DMD: variants seen among roughly 807,000 people sequenced by gnomAD.
The protein encoded by DMD is dystrophin.
A neutral mutation model predicts 330.1 loss-of-function variants in DMD; 63 were observed. The observed-to-expected ratio is 0.19, with a 90% confidence interval of 0.16 to 0.24. The LOEUF (loss-of-function observed/expected upper bound fraction) is 0.24. Ranked by LOEUF, DMD falls within the 10% of genes least tolerant of loss-of-function variation. The probability of loss-of-function intolerance (pLI) is 1.00; values close to 1 mark genes in which losing one functional copy is unlikely to be tolerated. For missense variants in DMD, 3,344 were observed against 2,684.1 expected, an observed-to-expected ratio of 1.25 and a Z score of -5.43; for synonymous variants, 1,223 against 959.8, an observed-to-expected ratio of 1.27 and a Z score of -5.07.
intron 63 of DMD, among the ~76,000 whole-genome samples, chrX:31,252,889 G>C (rs55895542): frequency 0.13 from 14,844 of 111,006 alleles, 938 homozygotes; most frequent in East Asian, 0.35. Flanking sequence ...GCGGGAGGCT[G>C]CTGAGGCAGG....
chrX:31,196,789 C>G (rs1457620381), intron 67 of DMD, among the ~76,000 whole-genome samples: 1 of 83,769 alleles, frequency 1.2e-5, no homozygotes, highest in East Asian at 4.0e-4. Context: ...CCACTGGACT[C>G]CAGCCTGGCA....
chrX:33,128,236 T>A lies in DMD; in HGVS notation c.31+83046A>T, dbSNP rs773402281. Reference sequence around the variant, plus strand: ...TTTGCTGATTTCCCTGTTGGTACTTTTCTCTTACACATTCTATGGGGTATG... The same window carrying A: ...TTTGCTGATTTCCCTGTTGGTACTTATCTCTTACACATTCTATGGGGTATG... On this transcript the variant is annotated intron_variant, in intron 1 of 78. Coordinates refer to ENST00000357033, the MANE Select transcript of DMD (RefSeq NM_004006.3). The A allele has an allele frequency of 6.8e-6, 8 of 1,171,812 alleles. No individual in the cohort carries two copies. The African/African-American group carries it at 1.1e-4, about 16-fold the overall frequency.
chrX:32,319,171 G>A (rs939578624), intron 41 of DMD, among the ~76,000 whole-genome samples: 2 of 111,165 alleles, frequency 1.8e-5, no homozygotes, highest in African/African-American at 3.3e-5. Context: ...TAGTCACTAA[G>A]TATGGCCTGT....
chrX:31,864,656 A>T (rs1019427084), intron 48 of DMD, among the ~76,000 whole-genome samples: 1 of 108,819 alleles, frequency 9.2e-6, no homozygotes, highest in African/African-American at 3.4e-5. Flanking sequence ...TGCCTGGCTA[A>T]TTTTTTCTAT....
At chrX:33,053,452 C>A (rs868069169) in intron 1 of DMD, among the ~76,000 whole-genome samples, 3 of 109,637 alleles carry the variant, frequency 2.7e-5, no homozygotes, top group African/African-American at 1.0e-4. Flanking sequence ...AAAAATTAGC[C>A]GGGCATGGTG....
chrX:31,963,562 G>C (rs755158295), intron 45 of DMD, among the ~76,000 whole-genome samples: 4 of 110,387 alleles, frequency 3.6e-5, no homozygotes, highest in Non-Finnish European at 7.6e-5. Context: ...ATTGAGAAGG[G>C]GCTACTACCC....
At chrX:32,535,528 G>T (rs948297381) in intron 17 of DMD, among the ~76,000 whole-genome samples, 13 of 111,671 alleles carry the variant, frequency 1.2e-4, no homozygotes, top group Non-Finnish European at 2.4e-4. Context: ...CTGCCTGGCA[G>T]TCCTAACTTT....
rs2078933175 is a variant in DMD at position 31,627,924 on chromosome X, T to C, written c.8028-62A>G. 4 of 1,071,425 alleles carry C rather than the reference T, an allele frequency of 3.7e-6. No homozygotes were observed. In the South Asian group the frequency reaches 7.9e-5, roughly 21 times the overall value. 88.3% of individuals were successfully genotyped at this position (1,071,425 alleles called of 1,213,427 possible). On this transcript the variant is annotated intron_variant, in intron 54 of 78. Transcript: ENST00000357033. ...TATCAGAATGGTGCACCTAGTGAAC[T>C]CCATAAAAAGAGAAAGATGGAGGAA...
chrX:31,190,440 GA>G (rs1184898762), intron 67 of DMD, among the ~76,000 whole-genome samples: 3 of 109,140 alleles, frequency 2.7e-5, no homozygotes, highest in African/African-American at 6.7e-5. Context: ...GGCGATTTTA[GA>G]AAGTCCTTGA....
At chrX:32,201,905 T>C (rs1160717148) in intron 44 of DMD, among the ~76,000 whole-genome samples, 3 of 112,192 alleles carry the variant, frequency 2.7e-5, no homozygotes, top group Admixed American at 1.9e-4. Flanking sequence ...TGAATGAGTA[T>C]TGAAGTGTTG....
intron 9 of DMD, among the ~76,000 whole-genome samples, chrX:32,685,262 A>T (rs1203034716): frequency 9.0e-6 from 1 of 111,436 alleles, no homozygotes; most frequent in Non-Finnish European, 1.9e-5. Flanking sequence ...CCACGGGCTA[A>T]TCTTATTTCT....
At position 33,236,018 on chromosome X, in the gene DMD, C is replaced by T. The variant is rs554563978; in HGVS notation, c.7+103241G>A. ...GCAAGCTCCGCCTCCCGGGTTCATG[C>T]CATTCTCCTGCCTCTGCCTCCTGAG... On this transcript the variant is annotated intron_variant, in intron 1 of 17. Transcript: ENST00000288447. Among the ~76,000 whole-genome samples the T allele has an allele frequency of 3.6e-4, 36 of 98,934 alleles. 1 individual carries two copies. In the South Asian group the frequency reaches 0.018, roughly 49 times the overall value. 85.9% of individuals were successfully genotyped at this position (98,934 alleles called of 115,157 possible). A position where few individuals can be genotyped will look rare whatever the true frequency, so the allele number is the denominator to read the frequency against.
chrX:31,369,959 T>C (rs151004352), intron 60 of DMD, among the ~76,000 whole-genome samples: 2,890 of 108,010 alleles, frequency 0.027, 111 homozygotes, highest in African/African-American at 0.093. Context: ...ATTAGCTGGG[T>C]GTGGTGGTGG....
chrX:31,834,470 G>A (rs1169116646), intron 49 of DMD, among the ~76,000 whole-genome samples: 2 of 111,427 alleles, frequency 1.8e-5, no homozygotes, highest in African/African-American at 6.5e-5. Context: ...ACGGAGTTTC[G>A]CTCGTGTCGC....
chrX:33,220,185 T>C (rs761442604), intron 1 of DMD, among the ~76,000 whole-genome samples: 2 of 111,225 alleles, frequency 1.8e-5, no homozygotes, highest in East Asian at 2.8e-4. Context: ...ACAAGAGGCG[T>C]TGGTGATACA....
intron 44 of DMD, among the ~76,000 whole-genome samples, chrX:32,141,423 G>A (rs1318777994): frequency 9.9e-6 from 1 of 101,186 alleles, no homozygotes; most frequent in African/African-American, 3.5e-5. Flanking sequence ...GTGACAGAGC[G>A]AGACTCCGTC....
intron 55 of DMD, among the ~76,000 whole-genome samples, chrX:31,596,117 A>G (rs1252422572): frequency 1.8e-5 from 2 of 111,634 alleles, no homozygotes; most frequent in South Asian, 3.7e-4. Context: ...TCAATTTGTC[A>G]TAATTTGTTC....
chrX:32,020,069 C>A (rs1328683741), intron 44 of DMD, among the ~76,000 whole-genome samples: 1 of 112,768 alleles, frequency 8.9e-6, no homozygotes, highest in Admixed American at 9.3e-5. Flanking sequence ...TAGTAGATCA[C>A]GATCAGTGGA....
At chrX:33,154,957 T>C (rs1026832894) in intron 1 of DMD, among the ~76,000 whole-genome samples, 1 of 112,145 alleles carries the variant, frequency 8.9e-6, no homozygotes, top group African/African-American at 3.2e-5. Flanking sequence ...TCCATGTGAT[T>C]TTCTTCATCT....
Sources: allele counts gnomAD v4.1 joint callset (sites outside exome capture counted in the v4.1 genomes callset), GRCh38; gene constraint gnomAD v4.1.1; transcripts MANE v1.5; gene names NCBI Gene and HGNC (gene_info 2026-07-23, HGNC 2026-07-21).